The following CLEC16A variants were observed in gnomAD, a reference collection of about 807,000 sequenced individuals.
The protein encoded by CLEC16A is C-type lectin domain containing 16A, also known as protein CLEC16A.
CLEC16A carries 51 observed loss-of-function variants against 109.5 expected under a neutral mutation model. That is an observed-to-expected ratio of 0.47 (90% CI 0.37 to 0.59). The LOEUF (loss-of-function observed/expected upper bound fraction) is 0.59, where lower values mean the gene tolerates loss of function less well. Ranked by LOEUF, CLEC16A falls within the 20% of genes least tolerant of loss-of-function variation. CLEC16A has a pLI of 0.00. For missense variants in CLEC16A, 1,339 were observed against 1,394.0 expected, an observed-to-expected ratio of 0.96 and a Z score of 0.63; for synonymous variants, 673 against 564.2, an observed-to-expected ratio of 1.19 and a Z score of -2.73.
intron 22 of CLEC16A, among the ~76,000 whole-genome samples, chr16:11,151,398 T>G (rs2054285827): frequency 6.6e-6 from 1 of 152,254 alleles, no homozygotes; most frequent in African/African-American, 2.4e-5. Context: ...TTCATTCACC[T>G]GGGCTCTCAG....
At chr16:11,017,080 G>A (rs77628168) in intron 11 of CLEC16A, among the ~76,000 whole-genome samples, 1 of 152,086 alleles carries the variant, frequency 6.6e-6, no homozygotes, top group Non-Finnish European at 1.5e-5. Context: ...GTCTCTTGGG[G>A]CATGAGATAT....
Position 10,944,769 on chromosome 16 carries a change from C to G in CLEC16A, c.52C>G (p.Arg18Gly), listed in dbSNP as rs368810122. The G allele has an allele frequency of 3.1e-6, 5 of 1,609,734 alleles. No individual in the cohort carries two copies. Among genetic ancestry groups the G allele is most frequent in the South Asian group, 1.1e-5 (1 of 90,404 alleles). The change falls in exon 1 of 24, where the codon CGC (arginine) becomes GGC (glycine). Residue 18 changes from arginine to glycine, a missense_variant. Physicochemically the swap from Arg to Gly is moderately radical, Grantham distance 125. Around this residue, in one of 3 missense-constraint regions of CLEC16A, gnomAD observed 117 missense variants for 120.2 expected, o/e 0.97. Coordinates refer to ENST00000409790, the MANE Select transcript of CLEC16A (RefSeq NM_015226.3). ...GGGCGGGGGCCATGGCAAGACTTCC[C>G]GCAACATCCACTCCTTGGACCACCT... The part of the protein sequence containing the change: ...WVGGGHGKTS[R>G]NIHSLDHLKY...
chr16:10,992,634 A>T (rs2044094233), intron 10 of CLEC16A, among the ~76,000 whole-genome samples: 1 of 152,068 alleles, frequency 6.6e-6, no homozygotes, highest in Non-Finnish European at 1.5e-5. Flanking sequence ...ATTTTCTGAC[A>T]TGAGCAGAAT....
At position 10,977,373 on chromosome 16, in the gene CLEC16A, GTGTACTCAC is replaced by G; in HGVS notation, c.880_888del (p.Tyr294_Leu296del). ...CAACAGGCTCTTCCTGCCCCTCTAC[GTGTACTCAC>G]TGGAGAACCAGGACAAGGTGGGTCC... On this transcript the variant is annotated inframe_deletion, in exon 8 of 24. Transcript: ENST00000409790. 1.2e-6 allele frequency: 2 copies of G among 1,613,682 alleles called. No homozygotes were observed. Among genetic ancestry groups the G allele is most frequent in the Non-Finnish European group, 1.7e-6 (2 of 1,179,770 alleles).
At chr16:11,104,848 A>G (rs2051123982) in intron 19 of CLEC16A, among the ~76,000 whole-genome samples, 3 of 152,114 alleles carry the variant, frequency 2.0e-5, no homozygotes, top group Admixed American at 1.3e-4. Flanking sequence ...CCTAGGCACA[A>G]ATGGGGTAGA....
chr16:11,123,912 C>G lies in CLEC16A; in HGVS notation c.2439C>G (p.Ile813Met), dbSNP rs774886384. The change falls in exon 21 of 24, where the codon ATC becomes ATG. Residue 813 changes from isoleucine to methionine, a missense_variant. By Grantham distance (10) the Ile-to-Met change is conservative (BLOSUM62 1). Around this residue, in one of 3 missense-constraint regions of CLEC16A, gnomAD observed 1,061 missense variants for 1,006.8 expected, o/e 1.05. Transcript: ENST00000409790. Reference sequence around the variant, plus strand: ...AGCAGCGCCTGGCCAAAGGCCGCATCCAGGCAAGGCGCATGAAGATGCAGA... The same window carrying G: ...AGCAGCGCCTGGCCAAAGGCCGCATGCAGGCAAGGCGCATGAAGATGCAGA... ...IAKQRLAKGR[I>M]QARRMKMQRI... 6.2e-7 allele frequency: 1 copy of G among 1,613,354 alleles called. No homozygotes were observed. Among genetic ancestry groups the G allele is most frequent in the African/African-American group, 1.3e-5 (1 of 74,918 alleles).
At position 11,130,671 on chromosome 16, in the gene CLEC16A, G is replaced by A. The variant is rs143943845; in HGVS notation, c.2641+4525G>A. Among the ~76,000 whole-genome samples the A allele has an allele frequency of 1.1e-4, 16 of 152,322 alleles. No homozygotes were observed. In the East Asian group the frequency reaches 3.1e-3, roughly 29 times the overall value. On this transcript the variant is annotated intron_variant, in intron 22 of 23. Coordinates refer to ENST00000409790, the MANE Select transcript of CLEC16A (RefSeq NM_015226.3). ...CACCATTGCCATCAAGGGCCCGTGG[G>A]TGCTGGGGCGTGACCACTTCCCACC...
At chr16:11,086,805 C>T (rs2050036095) in intron 19 of CLEC16A, among the ~76,000 whole-genome samples, 1 of 152,094 alleles carries the variant, frequency 6.6e-6, no homozygotes, top group Non-Finnish European at 1.5e-5. Flanking sequence ...ACATTTATGC[C>T]CAGTTCCTGC....
chr16:11,009,991 A>G (rs1235281394), intron 11 of CLEC16A, among the ~76,000 whole-genome samples: 2 of 152,118 alleles, frequency 1.3e-5, no homozygotes, highest in African/African-American at 4.8e-5. Flanking sequence ...CTGTCTGTAC[A>G]AAAAATAAAA....
At chr16:10,996,345 C>G (rs1428915092) in intron 10 of CLEC16A, among the ~76,000 whole-genome samples, 1 of 152,202 alleles carries the variant, frequency 6.6e-6, no homozygotes, top group Non-Finnish European at 1.5e-5. Flanking sequence ...TCTGCCCCTA[C>G]CTGGGGAGCT....
intron 11 of CLEC16A, among the ~76,000 whole-genome samples, chr16:11,015,625 TAGTATTC>T (rs2045700332): frequency 6.6e-6 from 1 of 152,138 alleles, no homozygotes; most frequent in Non-Finnish European, 1.5e-5. Context: ...TCCTGCAAAT[TAGTATTC>T]AGCTGCTTAA....
At chr16:11,152,697 C>G (rs1280778989) in intron 22 of CLEC16A, among the ~76,000 whole-genome samples, 1 of 152,230 alleles carries the variant, frequency 6.6e-6, no homozygotes. Flanking sequence ...CTGGTCAAAG[C>G]TAAGGGCACC....
chr16:11,089,789 T>G (rs1056020829), intron 19 of CLEC16A, among the ~76,000 whole-genome samples: 2 of 152,150 alleles, frequency 1.3e-5, no homozygotes, highest in Non-Finnish European at 2.9e-5. Flanking sequence ...TACTGAGGGG[T>G]GCTGGGCATG....
At chr16:11,135,879 A>T (rs936216170) in intron 22 of CLEC16A, among the ~76,000 whole-genome samples, 5 of 152,246 alleles carry the variant, frequency 3.3e-5, no homozygotes, top group Admixed American at 3.3e-4. Context: ...CACACGTAGG[A>T]TAGAGCTCTC....
intron 19 of CLEC16A, among the ~76,000 whole-genome samples, chr16:11,118,413 G>T (rs2052164139): frequency 6.6e-6 from 1 of 152,136 alleles, no homozygotes; most frequent in African/African-American, 2.4e-5. Flanking sequence ...GGTTCTGAAG[G>T]GCCAAGTGCT....
At chr16:11,008,826 TAAAAAAA>T (rs35514760) in intron 11 of CLEC16A, among the ~76,000 whole-genome samples, 2 of 86,272 alleles carry the variant, frequency 2.3e-5, no homozygotes, top group East Asian at 3.6e-4. Context: ...CCGTCTCTAC[TAAAAAAA>T]AAAAAAAAAA....
At chr16:10,945,324 C>T (rs1405108874) in intron 1 of CLEC16A, among the ~76,000 whole-genome samples, 1 of 152,148 alleles carries the variant, frequency 6.6e-6, no homozygotes, top group African/African-American at 2.4e-5. Context: ...TACAATTGCT[C>T]ATTAAACGGC....
At chr16:10,971,041 C>A in intron 4 of CLEC16A, 84 bp from the exon 5 acceptor site, 18 of 573,936 alleles carry the variant, frequency 3.1e-5, no homozygotes, top group South Asian at 5.2e-5. Context: ...TTTCTGAAGT[C>A]TCTGATGGAA....
intron 11 of CLEC16A, among the ~76,000 whole-genome samples, chr16:11,013,067 C>T (rs1345936243): frequency 6.6e-6 from 1 of 152,172 alleles, no homozygotes; most frequent in African/African-American, 2.4e-5. Context: ...GGGAACTTAA[C>T]ATGTACATCT....
Sources: allele counts gnomAD v4.1 joint callset (sites outside exome capture counted in the v4.1 genomes callset), GRCh38; gene constraint gnomAD v4.1.1; regional missense constraint gnomAD v4.1.1; transcripts MANE v1.5; gene names NCBI Gene and HGNC (gene_info 2026-07-23, HGNC 2026-07-21).